Variants in DNAJA1 observed in about 807,000 individuals in gnomAD.
DNAJA1 encodes the protein DnaJ heat shock protein family (Hsp40) member A1.
Under a neutral mutation model 47.6 loss-of-function variants are expected in DNAJA1, and 26 were observed. The observed-to-expected ratio is 0.55, with a 90% CI of 0.40 to 0.76. DNAJA1 has a LOEUF of 0.76. Ranked by LOEUF, DNAJA1 falls within the 30% of genes least tolerant of loss-of-function variation. The pLI, the probability that DNAJA1 is intolerant of heterozygous loss-of-function variation, is 0.00. For synonymous variants in DNAJA1, 165 were observed against 158.4 expected (o/e 1.04, Z -0.31); for missense variants, 315 against 485.0 (o/e 0.65, Z 3.29).
At chr9:33,037,289 A>T in intron 8 of DNAJA1, 174 bp downstream of exon 8, 1 of 442,636 alleles carries the variant, frequency 2.3e-6, no homozygotes, top group Non-Finnish European at 4.0e-6. Flanking sequence ...CCTGGGCAAC[A>T]TAGTGAAACC....
intron 3 of DNAJA1, 70 bp downstream of exon 3, chr9:33,027,060 C>G: frequency 6.4e-7 from 1 of 1,569,124 alleles, no homozygotes. Flanking sequence ...TTTGAGAAAT[C>G]ACCCATTTTA....
At chr9:33,027,680 C>T (rs1838894333) in intron 3 of DNAJA1, among the ~76,000 whole-genome samples, 2 of 152,020 alleles carry the variant, frequency 1.3e-5, no homozygotes, top group Middle Eastern at 6.8e-3. Context: ...GGTGAAACCC[C>T]ATCTCTACAA....
At position 33,035,018 on chromosome 9, in the gene DNAJA1, G is replaced by A. The variant is rs543015296; in HGVS notation, c.758+688G>A. On this transcript the variant is annotated intron_variant, in intron 6 of 8. Coordinates refer to ENST00000330899, the MANE Select transcript of DNAJA1 (RefSeq NM_001539.4). ...GATCATGCCACTGCATTCTAGCCTGGGTGACAGTAAGAACCCACCTTTTTT... is the reference window on the plus strand; with the variant it reads ...GATCATGCCACTGCATTCTAGCCTGAGTGACAGTAAGAACCCACCTTTTTT... Among the ~76,000 whole-genome samples, 14 of 151,126 alleles carry A rather than the reference G, an allele frequency of 9.3e-5. No individual in the cohort carries two copies. In the South Asian group the frequency reaches 2.1e-3, roughly 23 times the overall value.
intron 5 of DNAJA1, among the ~76,000 whole-genome samples, chr9:33,033,959 T>C (rs1291813200): frequency 6.6e-6 from 1 of 152,208 alleles, no homozygotes; most frequent in Non-Finnish European, 1.5e-5. Flanking sequence ...GGAAAGGATA[T>C]GCAGCTTACT....
chr9:33,030,681 T>TA lies in DNAJA1; in HGVS notation c.643+15dup, dbSNP rs1838946895. 3.8e-6 allele frequency: 6 copies of TA among 1,595,082 alleles called. 1 individual carries two copies. Among genetic ancestry groups the TA allele is most frequent in the Admixed American group, 3.4e-5 (2 of 58,056 alleles). ...ATATTGACAAAGGTGAGTTCTGAGT[T>TA]ACTTATTCTGAAGTCTTGAATGCTG... On this transcript the variant is annotated intron_variant, in intron 5 of 8. Coordinates refer to ENST00000330899, the MANE Select transcript of DNAJA1 (RefSeq NM_001539.4).
intron 6 of DNAJA1, among the ~76,000 whole-genome samples, chr9:33,035,224 T>TA (rs1839015917): frequency 6.6e-6 from 1 of 151,882 alleles, no homozygotes; most frequent in African/African-American, 2.4e-5. Flanking sequence ...CCATCTCTGT[T>TA]AAAAATTAAA....
At chr9:33,037,778 T>G (rs1839058688) in intron 8 of DNAJA1, among the ~76,000 whole-genome samples, 3 of 152,172 alleles carry the variant, frequency 2.0e-5, no homozygotes, top group African/African-American at 7.2e-5. Flanking sequence ...CATCATTAAT[T>G]GGATATTTAA....
At chr9:33,032,973 C>T (rs780455284) in intron 5 of DNAJA1, among the ~76,000 whole-genome samples, 4 of 151,972 alleles carry the variant, frequency 2.6e-5, no homozygotes, top group Middle Eastern at 3.2e-3. Flanking sequence ...ATTTTCCATA[C>T]GTAAAGGTGA....
In DNAJA1 at chr9:33,026,942, T is replaced by G. The variant is rs1438987824; in HGVS notation, c.262T>G (p.Phe88Val). 1 of 1,614,046 alleles carries G rather than the reference T, an allele frequency of 6.2e-7. No individual in the cohort carries two copies. Among genetic ancestry groups the G allele is most frequent in the Non-Finnish European group, 8.5e-7 (1 of 1,179,982 alleles). The change falls in exon 3 of 9, where the codon TTT (phenylalanine) becomes GTT (valine). Residue 88 changes from phenylalanine to valine, a missense_variant. Transcript: ENST00000330899. The stretch of plus-strand genomic sequence containing the variant: ...CGGTTTTGGCTCCCCCATGGACATC[T>G]TTGATATGTTTTTTGGAGGAGGAGG... The part of the protein sequence containing the change: ...GGGFGSPMDI[F>V]DMFFGGGGRM...
intron 3 of DNAJA1, among the ~76,000 whole-genome samples, chr9:33,028,787 A>G (rs1280832994): frequency 1.3e-5 from 2 of 152,164 alleles, no homozygotes; most frequent in African/African-American, 4.8e-5. Flanking sequence ...TATACTCAAC[A>G]CTGTTCAAAA....
chr9:33,034,354 A>T, intron 6 of DNAJA1, 24 bp downstream of exon 6: 2 of 1,556,552 alleles, frequency 1.3e-6, no homozygotes, highest in Non-Finnish European at 1.8e-6. Context: ...TCAACCACTC[A>T]AATTGATATC....
intron 5 of DNAJA1, among the ~76,000 whole-genome samples, chr9:33,031,315 C>G (rs1173851091): frequency 6.6e-6 from 1 of 152,148 alleles, no homozygotes; most frequent in Non-Finnish European, 1.5e-5. Flanking sequence ...CCAGGCTGAT[C>G]TCGAACACTT....
intron 5 of DNAJA1, among the ~76,000 whole-genome samples, chr9:33,032,540 A>G (rs1170223367): frequency 2.6e-5 from 4 of 152,224 alleles, no homozygotes; most frequent in Admixed American, 1.3e-4. Context: ...ATTTAAAGCA[A>G]TTTCCAAGAA....
chr9:33,026,764 TA>T (rs752853790), intron 2 of DNAJA1, 48 bp from the exon 3 acceptor site: 1 of 1,599,970 alleles, frequency 6.3e-7, no homozygotes, highest in South Asian at 1.1e-5. Context: ...TGTAGCTAGG[TA>T]ACACTTGTTT....
chr9:33,036,481 C>T (rs956980933), intron 6 of DNAJA1, 93 bp from the exon 7 acceptor site: 5 of 709,128 alleles, frequency 7.1e-6, no homozygotes, highest in African/African-American at 3.6e-5. Flanking sequence ...TGTAAAAGAC[C>T]CTTTGCTTTT....
At chr9:33,029,830 A>T in intron 3 of DNAJA1, 55 bp from the exon 4 acceptor site, 1 of 1,447,920 alleles carries the variant, frequency 6.9e-7, no homozygotes. Context: ...TGCCTTTAGC[A>T]CAAATAAGAT....
intron 5 of DNAJA1, among the ~76,000 whole-genome samples, chr9:33,031,396 CTCA>C (rs1838959330): frequency 6.6e-6 from 1 of 152,142 alleles, no homozygotes; most frequent in African/African-American, 2.4e-5. Context: ...CGCACCCCGC[CTCA>C]TGTTTATTTT....
In DNAJA1 at chr9:33,026,457, T is replaced by C; in HGVS notation, c.-10-18T>C. The C allele has an allele frequency of 1.3e-6, 2 of 1,595,002 alleles. No homozygotes were observed. The highest frequency in any genetic ancestry group is 1.7e-6 in the Non-Finnish European group (2 of 1,175,200). On this transcript the variant is annotated intron_variant, in intron 1 of 8. Transcript: ENST00000330899. ...CTACCAGTTGAAAGCCGGTTAAAGT[T>C]GCATTTTCTTATTTCAGGCAGTAGA... is the stretch of plus-strand genomic sequence containing the variant.
intron 3 of DNAJA1, among the ~76,000 whole-genome samples, chr9:33,027,575 C>CCG (rs1473196880): frequency 1.3e-5 from 2 of 151,966 alleles, no homozygotes; most frequent in African/African-American, 4.8e-5. Context: ...TGAGAACAGG[C>CCG]CGCGTGCTGT....
Sources: gnomAD v4.1 joint callset for allele counts (sites outside exome capture counted in the v4.1 genomes callset) on GRCh38, gnomAD v4.1.1 for gene constraint, MANE v1.5 for transcripts, NCBI Gene and HGNC (gene_info 2026-07-23, HGNC 2026-07-21) for gene names.